Variants in DSCAM observed in about 807,000 individuals in gnomAD.
DSCAM encodes the protein DS cell adhesion molecule, also known as cell adhesion molecule DSCAM.
A neutral mutation model predicts 217.7 loss-of-function variants in DSCAM; 47 were observed. The ratio of observed to expected loss-of-function variants is 0.22; its 90% CI spans 0.17 to 0.28. DSCAM has a LOEUF of 0.28. Among genes scored for constraint, DSCAM ranks in the 10% least tolerant of loss-of-function variants. The probability of loss-of-function intolerance (pLI) is 1.00; values close to 1 mark genes in which losing one functional copy is unlikely to be tolerated. For synonymous variants in DSCAM, 1,056 were observed against 1,015.3 expected (o/e 1.04, Z -0.76); for missense variants, 2,080 against 2,618.3 (o/e 0.79, Z 4.49).
intron 3 of DSCAM, among the ~76,000 whole-genome samples, chr21:40,456,670 AAAT>A (rs1413146566): frequency 1.5e-5 from 1 of 68,154 alleles, no homozygotes; most frequent in Non-Finnish European, 3.6e-5. Flanking sequence ...AATAATACAA[AAAT>A]TATTGTGAAT....
intron 24 of DSCAM, among the ~76,000 whole-genome samples, chr21:40,081,397 T>C (rs1187356765): frequency 6.6e-6 from 1 of 152,152 alleles, no homozygotes; most frequent in East Asian, 1.9e-4. Context: ...ACCCCTTACA[T>C]GGCGATCACT....
intron 3 of DSCAM, among the ~76,000 whole-genome samples, chr21:40,390,279 T>A (rs1232906910): frequency 6.6e-6 from 1 of 152,202 alleles, no homozygotes; most frequent in Non-Finnish European, 1.5e-5. Flanking sequence ...GGGTAAAAAG[T>A]GTGGAGTCTA....
At chr21:40,529,943 C>A (rs1051567601) in intron 3 of DSCAM, among the ~76,000 whole-genome samples, 1 of 152,146 alleles carries the variant, frequency 6.6e-6, no homozygotes, top group Non-Finnish European at 1.5e-5. Context: ...TTCCCATTGA[C>A]CCCAGCAATA....
At chr21:40,041,346 G>C (rs2088745129) in intron 32 of DSCAM, among the ~76,000 whole-genome samples, 1 of 152,176 alleles carries the variant, frequency 6.6e-6, no homozygotes, top group South Asian at 2.1e-4. Flanking sequence ...AACTACACTT[G>C]GCTGCCATAG....
intron 9 of DSCAM, among the ~76,000 whole-genome samples, chr21:40,306,871 A>C (rs992466579): frequency 6.6e-6 from 1 of 151,812 alleles, no homozygotes; most frequent in Non-Finnish European, 1.5e-5. Flanking sequence ...TTTTTGCATC[A>C]ATGTTCATCA....
chr21:40,517,436 C>G (rs2076311780), intron 3 of DSCAM, among the ~76,000 whole-genome samples: 2 of 147,510 alleles, frequency 1.4e-5, no homozygotes, highest in Admixed American at 6.8e-5. Flanking sequence ...CACACACACA[C>G]AGACACGCAT....
At chr21:40,675,672 A>G (rs1175144028) in intron 3 of DSCAM, among the ~76,000 whole-genome samples, 1 of 151,766 alleles carries the variant, frequency 6.6e-6, no homozygotes, top group Non-Finnish European at 1.5e-5. Context: ...TCACAAATAA[A>G]CAAATAAATC....
intron 10 of DSCAM, among the ~76,000 whole-genome samples, chr21:40,284,821 T>A (rs2073805255): frequency 6.6e-6 from 1 of 152,182 alleles, no homozygotes; most frequent in Non-Finnish European, 1.5e-5. Context: ...TGTGACACCG[T>A]CCAGGTTACT....
At chr21:40,596,098 G>T (rs182170870) in intron 3 of DSCAM, among the ~76,000 whole-genome samples, 1 of 152,204 alleles carries the variant, frequency 6.6e-6, no homozygotes, top group Non-Finnish European at 1.5e-5. Flanking sequence ...CCCATGCTCT[G>T]GGGGTAAGCC....
At chr21:40,406,821 G>A (rs1240395433) in intron 3 of DSCAM, among the ~76,000 whole-genome samples, 1 of 152,130 alleles carries the variant, frequency 6.6e-6, no homozygotes, top group Non-Finnish European at 1.5e-5. Context: ...GTTTCACCGT[G>A]TTGGCCAGGC....
chr21:40,242,153 T>A (rs905612442), intron 11 of DSCAM, among the ~76,000 whole-genome samples: 1 of 152,050 alleles, frequency 6.6e-6, no homozygotes, highest in Admixed American at 6.6e-5. Flanking sequence ...CTAAAAGTTT[T>A]TTTTTTTTTT....
At chr21:40,151,639 T>A (rs1007666539) in intron 16 of DSCAM, among the ~76,000 whole-genome samples, 8 of 152,086 alleles carry the variant, frequency 5.3e-5, no homozygotes, top group African/African-American at 1.9e-4. Context: ...TCTAACTGGG[T>A]AAAGGACTGA....
rs529459000 is a variant in DSCAM at position 40,211,690 on chromosome 21, A to G, written c.2357-22452T>C. On this transcript the variant is annotated intron_variant, in intron 11 of 32. Coordinates refer to ENST00000400454, the MANE Select transcript of DSCAM (RefSeq NM_001389.5). ...CAGTGACTTGTCCTTGGTACAGCCC[A>G]TGATGCATCAGACATGTAGATTCTC... is the stretch of plus-strand genomic sequence containing the variant. Among the ~76,000 whole-genome samples, 9 of 152,200 alleles carry G rather than the reference A, an allele frequency of 5.9e-5. No homozygotes were observed. In the South Asian group the frequency reaches 1.9e-3, roughly 32 times the overall value.
intron 3 of DSCAM, among the ~76,000 whole-genome samples, chr21:40,673,572 CTG>C (rs199700291): frequency 0.013 from 1,994 of 152,206 alleles, 14 homozygotes; most frequent in Non-Finnish European, 0.017. Flanking sequence ...TGGCTTGGAT[CTG>C]TGTCACTGCC....
At chr21:40,243,989 T>C (rs1260618989) in intron 11 of DSCAM, among the ~76,000 whole-genome samples, 1 of 152,050 alleles carries the variant, frequency 6.6e-6, no homozygotes, top group East Asian at 1.9e-4. Context: ...AAGTGGAAAA[T>C]AAATGCACCT....
chr21:40,763,800 A>C (rs1174657836), intron 1 of DSCAM, among the ~76,000 whole-genome samples: 1 of 152,196 alleles, frequency 6.6e-6, no homozygotes, highest in Non-Finnish European at 1.5e-5. Context: ...ACACATCTAC[A>C]ACCATCTGAT....
chr21:40,044,178 T>G lies in DSCAM; in HGVS notation c.5283A>C (p.Ala1761=). ...GCCTCCAGTCTGTGGTGAGGGTGTG[T>G]GCTGAGATGGTGGGGTGGGGTCGGT... ...TLNRPHPTIS[A]HTLTTDWRLP... is the part of the protein sequence containing the mutation. Residue 1761 remains alanine (A), a synonymous_variant, in exon 31 of 33, where the codon GCA becomes GCC. Transcript: ENST00000400454. 1 of 1,614,166 alleles carries G rather than the reference T, an allele frequency of 6.2e-7. No individual in the cohort carries two copies. The highest frequency in any genetic ancestry group is 1.3e-5 in the African/African-American group (1 of 75,046).
rs202016141 is a variant in DSCAM at position 40,078,703 on chromosome 21, C to T, written c.4695G>A (p.Thr1565=). The change falls in exon 26 of 33, where the codon ACG becomes ACA. Residue 1565 remains threonine, a synonymous_variant. Coordinates refer to ENST00000400454, the MANE Select transcript of DSCAM (RefSeq NM_001389.5). ...CCAGCTTACTGCCATCGTAGTTCAGCGTAGCGAAGTTGGCCTGCTTCTCCG... is the reference window on the plus strand; with the variant it reads ...CCAGCTTACTGCCATCGTAGTTCAGTGTAGCGAAGTTGGCCTGCTTCTCCG... The part of the protein sequence containing the change: ...GCAEKQANFA[T]LNYDGSTIPP... 23 of 1,613,914 alleles carry T rather than the reference C, an allele frequency of 1.4e-5. No individual in the cohort carries two copies. Among genetic ancestry groups the T allele is most frequent in the Non-Finnish European group, 1.7e-5 (20 of 1,179,888 alleles).
chr21:40,829,836 G>A (rs773989970), intron 1 of DSCAM, among the ~76,000 whole-genome samples: 10 of 152,158 alleles, frequency 6.6e-5, no homozygotes, highest in African/African-American at 1.7e-4. Flanking sequence ...CAATGTTTTC[G>A]TGACTGAGCC....
Sources: allele counts gnomAD v4.1 joint callset (sites outside exome capture counted in the v4.1 genomes callset), GRCh38; gene constraint gnomAD v4.1.1; transcripts MANE v1.5; gene names NCBI Gene and HGNC (gene_info 2026-07-23, HGNC 2026-07-21).